Variants in CDH22 observed in about 807,000 individuals in gnomAD.
The protein encoded by CDH22 is cadherin 22, also known as cadherin-22.
CDH22 carries 30 observed loss-of-function variants against 58.4 expected under a neutral mutation model. That is an observed-to-expected ratio of 0.51 (90% CI 0.38 to 0.70). CDH22 has a LOEUF of 0.70. Ranked by LOEUF, CDH22 falls within the 30% of genes least tolerant of loss-of-function variation. The pLI is 0.00. For missense variants in CDH22, 1,014 were observed against 1,233.9 expected (o/e 0.82, Z 2.67); for synonymous variants, 513 against 558.2 (o/e 0.92, Z 1.14).
At position 46,210,360 on chromosome 20, in the gene CDH22, G is replaced by T; in HGVS notation, c.1233C>A (p.Ser411=). ...CCCGCGCCGTCACCACGCCGACCAGGGAGCCCACCTGCGCGTCCTCCTGCA... is the reference window on the plus strand; with the variant it reads ...CCCGCGCCGTCACCACGCCGACCAGTGAGCCCACCTGCGCGTCCTCCTGCA... ...LEVQEDAQVG[S]LVGVVTARDP... is the part of the protein sequence containing the mutation. Residue 411 remains serine, a synonymous_variant, in exon 7 of 12, where the codon TCC becomes TCA. Coordinates refer to ENST00000537909, the MANE Select transcript of CDH22 (RefSeq NM_021248.3). This position sits in a 1 kb window ranked among gnomAD's most constrained non-coding sequence, Gnocchi z 4.5. 3 of 1,474,552 alleles carry T rather than the reference G, an allele frequency of 2.0e-6. No individual in the cohort carries two copies. The highest frequency in any genetic ancestry group is 2.7e-6 in the Non-Finnish European group (3 of 1,116,334). The allele number at this position is 1,474,552 out of a possible 1,614,324, so 91.3% of individuals were successfully genotyped here. A position where few individuals can be genotyped will look rare whatever the true frequency, so the allele number is the denominator to read the frequency against.
At chr20:46,307,496 C>T (rs1040749530) in intron 1 of CDH22, among the ~76,000 whole-genome samples, 7 of 152,230 alleles carry the variant, frequency 4.6e-5, no homozygotes, top group Non-Finnish European at 1.0e-4. Flanking sequence ...CCCCGTCCTT[C>T]TTCCCCAGCG....
intron 7 of CDH22, among the ~76,000 whole-genome samples, chr20:46,201,565 A>G (rs1334498439): frequency 4.6e-5 from 7 of 152,118 alleles, no homozygotes; most frequent in African/African-American, 1.2e-4. Context: ...GAAAAAGAGG[A>G]TGACTCCTAC....
In CDH22 at chr20:46,210,596, G is replaced by A. The variant is rs370270997; in HGVS notation, c.1033-36C>T. 2.9e-5 allele frequency: 41 copies of A among 1,418,194 alleles called. No individual in the cohort carries two copies. Among genetic ancestry groups the A allele is most frequent in the Non-Finnish European group, 3.8e-5 (41 of 1,082,066 alleles). The allele number at this position is 1,418,194 out of a possible 1,614,324, so 87.9% of individuals were successfully genotyped here. ...GAGCAGAGGGCCGGTTAGTGGGTGG[G>A]GTCTGGTGGACACTGAGGCCTTCAC... On this transcript the variant is annotated intron_variant, in intron 6 of 11. Transcript: ENST00000537909. This position sits in a 1 kb window ranked among gnomAD's most constrained non-coding sequence, Gnocchi z 4.5.
intron 1 of CDH22, among the ~76,000 whole-genome samples, chr20:46,277,677 G>A (rs1040918737): frequency 2.6e-5 from 4 of 151,878 alleles, no homozygotes; most frequent in African/African-American, 4.8e-5. Flanking sequence ...GCCCCCCACT[G>A]GTCCAGTGCT....
chr20:46,263,980 T>G (rs2086446608), intron 1 of CDH22, among the ~76,000 whole-genome samples: 1 of 151,904 alleles, frequency 6.6e-6, no homozygotes, highest in South Asian at 2.1e-4. Context: ...TGGCGTGGGA[T>G]GGAGAAAAGG....
At chr20:46,188,985 G>A (rs560685580) in intron 8 of CDH22, among the ~76,000 whole-genome samples, 7 of 152,202 alleles carry the variant, frequency 4.6e-5, no homozygotes, top group African/African-American at 1.7e-4. Context: ...AGAGTTTCAC[G>A]GGGAGTGGGA....
At chr20:46,301,710 C>T (rs964061196) in intron 1 of CDH22, among the ~76,000 whole-genome samples, 1 of 151,884 alleles carries the variant, frequency 6.6e-6, no homozygotes, top group African/African-American at 2.4e-5. Context: ...ACTCGGGAGG[C>T]TGAGGGAGGA....
intron 11 of CDH22, among the ~76,000 whole-genome samples, chr20:46,176,819 C>T (rs74495637): frequency 0.026 from 3,956 of 152,288 alleles, 80 homozygotes; most frequent in Non-Finnish European, 0.038. Context: ...GGGGGATGCC[C>T]GCGGGAGCAG....
rs1017819920 is a variant in CDH22, at chr20:46,210,171, C to T, written c.1286+136G>A. ...TTCTCTCCACCCGTGCGCCTCTCTC[C>T]GCGCCTCCCTCCCCCACGCAGCCCC... is the stretch of plus-strand genomic sequence containing the variant. On this transcript the variant is annotated intron_variant, in intron 7 of 11. Transcript: ENST00000537909. The surrounding 1 kb of genome is among the most constrained non-coding windows in gnomAD (Gnocchi z 4.5). 9.7e-6 allele frequency: 9 copies of T among 931,590 alleles called. No homozygotes were observed. The highest frequency in any genetic ancestry group is 4.3e-5 in the Admixed American group (1 of 23,506). The allele number at this position is 931,590 out of a possible 1,614,324, so 57.7% of individuals were successfully genotyped here. A position where few individuals can be genotyped will look rare whatever the true frequency, so the allele number is the denominator to read the frequency against.
chr20:46,239,644 T>G (rs1323535496), intron 3 of CDH22, among the ~76,000 whole-genome samples: 1 of 152,220 alleles, frequency 6.6e-6, no homozygotes, highest in Non-Finnish European at 1.5e-5. Flanking sequence ...AGCATCCAAC[T>G]TTTGGCCACA....
chr20:46,177,579 T>C (rs2085750190), intron 11 of CDH22, among the ~76,000 whole-genome samples: 1 of 152,112 alleles, frequency 6.6e-6, no homozygotes, highest in African/African-American at 2.4e-5. Context: ...ATCTGAAAAA[T>C]GGGATGATAT....
chr20:46,276,256 G>A (rs955699312), intron 1 of CDH22, among the ~76,000 whole-genome samples: 2 of 152,196 alleles, frequency 1.3e-5, no homozygotes, highest in African/African-American at 4.8e-5. Flanking sequence ...GAGAGACCCT[G>A]GACTTTAGAC....
Position 46,300,524 on chromosome 20 carries a change from A to G in CDH22, c.-400+7731T>C, listed in dbSNP as rs911275288. Among the ~76,000 whole-genome samples the G allele has an allele frequency of 4.6e-5, 7 of 152,004 alleles. No homozygotes were observed. The highest frequency in any genetic ancestry group is 7.4e-5 in the Non-Finnish European group (5 of 67,988). ...TGCGCGTGCACACACACATACACAC[A>G]CACTCCACCTCCCCAGCTCCCCTCC... On this transcript the variant is annotated intron_variant, in intron 1 of 11. Transcript: ENST00000537909. This position sits in a 1 kb window ranked among gnomAD's most constrained non-coding sequence, Gnocchi z 4.4.
Position 46,250,930 on chromosome 20 carries a change from G to C in CDH22, c.255+110C>G. The C allele has an allele frequency of 4.3e-6, 3 of 695,584 alleles. No homozygotes were observed. The South Asian group carries it at 5.2e-5, about 12-fold the overall frequency. 43.1% of individuals were successfully genotyped at this position (695,584 alleles called of 1,614,324 possible). A position where few individuals can be genotyped will look rare whatever the true frequency, so the allele number is the denominator to read the frequency against. On this transcript the variant is annotated intron_variant, in intron 2 of 11. Transcript: ENST00000537909. Reference sequence around the variant, plus strand: ...CAGTCCTTGGCTAGGGAGCAGAAGAGGCACATGAAACATGGATTTAAAAGG... The same window carrying C: ...CAGTCCTTGGCTAGGGAGCAGAAGACGCACATGAAACATGGATTTAAAAGG...
At chr20:46,211,470 C>T (rs1323453340) in intron 6 of CDH22, among the ~76,000 whole-genome samples, 1 of 152,230 alleles carries the variant, frequency 6.6e-6, no homozygotes, top group South Asian at 2.1e-4. Context: ...GGGAGGCAGG[C>T]GGTGGCCTGG....
chr20:46,174,839 C>A lies in CDH22; in HGVS notation c.2154G>T (p.Ala718=). Residue 718 remains alanine (A), a synonymous_variant, in exon 12 of 12, where the codon GCG becomes GCT. Transcript: ENST00000537909. This position sits in a 1 kb window ranked among gnomAD's most constrained non-coding sequence, Gnocchi z 4.4. ...GCAGGTGGGCCTGCGGGGGGCTGCC[C>A]GCGCCCCCGCCCGAGCCCCCGCCCG... The part of the protein sequence containing the change: ...GGAGGGSGGG[A]GSPPQAHLPS... 1.5e-6 allele frequency: 2 copies of A among 1,356,460 alleles called. No individual in the cohort carries two copies. Among genetic ancestry groups the A allele is most frequent in the South Asian group, 1.8e-5 (1 of 54,118 alleles). The allele number at this position is 1,356,460 out of a possible 1,614,324, so 84.0% of individuals were successfully genotyped here.
Position 46,227,583 on chromosome 20 carries a change from T to A in CDH22, c.595A>T (p.Thr199Ser). The change falls in exon 4 of 12, where the codon ACG becomes TCG. Residue 199 changes from threonine to serine, a missense_variant. Transcript: ENST00000537909. Reference protein sequence around the residue: ...QVMASDADDPTYGSSARLVYS... With the variant: ...QVMASDADDPSYGSSARLVYS... ...ACCAGCCGAGCGCTGCTGCCGTACG[T>A]GGGGTCATCCGCATCCGAGGCCATC... 6.2e-7 allele frequency: 1 copy of A among 1,612,782 alleles called. No individual in the cohort carries two copies. The highest frequency in any genetic ancestry group is 8.5e-7 in the Non-Finnish European group (1 of 1,179,718).
At chr20:46,191,377 A>T (rs1277514528) in intron 8 of CDH22, among the ~76,000 whole-genome samples, 1 of 152,058 alleles carries the variant, frequency 6.6e-6, no homozygotes, top group African/African-American at 2.4e-5. Flanking sequence ...CCCAGCCCCT[A>T]CTAGAGTTAC....
chr20:46,225,104 G>A (rs1600704896), intron 4 of CDH22, among the ~76,000 whole-genome samples: 2 of 152,222 alleles, frequency 1.3e-5, no homozygotes, highest in East Asian at 1.9e-4. Flanking sequence ...AGGAGGAGGG[G>A]AAATGGATAC....
Sources: allele counts gnomAD v4.1 joint callset (sites outside exome capture counted in the v4.1 genomes callset), GRCh38; gene constraint gnomAD v4.1.1; non-coding constraint Gnocchi (gnomAD v3.1); transcripts MANE v1.5; gene names NCBI Gene and HGNC (gene_info 2026-07-23, HGNC 2026-07-21).